EIF3M: variants seen among roughly 807,000 people sequenced by gnomAD.
The protein encoded by EIF3M is B5 receptor.
EIF3M carries 25 observed loss-of-function variants against 49.7 expected under a neutral mutation model. That is an observed-to-expected ratio of 0.50 (90% CI 0.37 to 0.70). The LOEUF (loss-of-function observed/expected upper bound fraction) is 0.70. EIF3M is among the 30% of genes least tolerant of loss of function. The probability of loss-of-function intolerance (pLI) is 0.00; values close to 1 mark genes in which losing one functional copy is unlikely to be tolerated. For synonymous variants in EIF3M, 156 were observed against 149.8 expected, an observed-to-expected ratio of 1.04 and a Z score of -0.30; for missense variants, 350 against 440.0, an observed-to-expected ratio of 0.80 and a Z score of 1.83.
intron 1 of EIF3M, 179 bp from the exon 2 acceptor site, chr11:32,586,833 G>GAA: frequency 1.4e-6 from 1 of 725,348 alleles, no homozygotes; most frequent in Non-Finnish European, 2.1e-6. Flanking sequence ...CCTCATGGAG[G>GAA]AAAACCTGTG....
rs188596977 is a variant in EIF3M, at chr11:32,589,262, C to T, written c.438+127C>T. 468 of 1,394,444 alleles carry T rather than the reference C, an allele frequency of 3.4e-4. 2 individuals are homozygous for T. The African/African-American group carries it at 6.0e-3, about 18-fold the overall frequency. The allele number at this position is 1,394,444 out of a possible 1,614,324, so 86.4% of individuals were successfully genotyped here. ...CGCAATCTCAGCTCACCGCAACCTC[C>T]GCCTCCAGGGTTCAAGCAGTTCTCC... On this transcript the variant is annotated intron_variant, in intron 4 of 10. Transcript: ENST00000531120.
intron 1 of EIF3M, among the ~76,000 whole-genome samples, chr11:32,586,386 T>A (rs1854997993): frequency 6.6e-6 from 1 of 152,172 alleles, no homozygotes; most frequent in African/African-American, 2.4e-5. Flanking sequence ...TTTTTATAGG[T>A]CCGAAGATGC....
At chr11:32,601,653 A>G in intron 9 of EIF3M, 109 bp from the exon 10 acceptor site, 1 of 999,276 alleles carries the variant, frequency 1.0e-6, no homozygotes, top group Non-Finnish European at 1.5e-6. Flanking sequence ...ATAATGTTGG[A>G]AAACAGTATA....
chr11:32,590,911 C>T (rs1470784077), intron 5 of EIF3M, among the ~76,000 whole-genome samples: 1 of 151,490 alleles, frequency 6.6e-6, no homozygotes, highest in African/African-American at 2.4e-5. Flanking sequence ...AGTGCAGTGG[C>T]GCAATCTCAG....
intron 1 of EIF3M, among the ~76,000 whole-genome samples, chr11:32,584,451 C>CA (rs1198842043): frequency 1.3e-5 from 2 of 151,708 alleles, no homozygotes; most frequent in Non-Finnish European, 2.9e-5. Flanking sequence ...ATTAAAAATA[C>CA]AAAAAAATTA....
chr11:32,592,300 A>G (rs1186567460), intron 5 of EIF3M: 3 of 520,904 alleles, frequency 5.8e-6, no homozygotes, highest in East Asian at 4.7e-5. Context: ...CTGAACCACA[A>G]TTTTATCATG....
chr11:32,596,111 A>G, intron 8 of EIF3M, 64 bp downstream of exon 8: 2 of 1,258,478 alleles, frequency 1.6e-6, no homozygotes, highest in Non-Finnish European at 2.2e-6. Flanking sequence ...ACAGTTATGT[A>G]CTATGTGTTC....
chr11:32,600,609 C>T, intron 8 of EIF3M, 80 bp from the exon 9 acceptor site: 1 of 1,360,134 alleles, frequency 7.4e-7, no homozygotes, highest in East Asian at 2.6e-5. Flanking sequence ...AAATAATTTC[C>T]ACAGCTTAAC....
In EIF3M at chr11:32,593,880, A is replaced by C. The variant is rs765904349; in HGVS notation, c.548A>C (p.Lys183Thr). 1.1e-5 allele frequency: 18 copies of C among 1,572,170 alleles called. No homozygotes were observed. Among genetic ancestry groups the C allele is most frequent in the Non-Finnish European group, 1.5e-5 (18 of 1,162,346 alleles). ...VDCKKSDAAS[K>T]VMVELLGSYT... ...TTTCTTTTTAGTGATGCTGCTTCAA[A>C]AGTCATGGTGGAATTGCTCGGAAGT... The change falls in exon 6 of 11, where the codon AAA becomes ACA. Residue 183 changes from lysine to threonine, a missense_variant. By Grantham distance (78) the Lys-to-Thr change is moderately conservative (BLOSUM62 -1). Coordinates refer to ENST00000531120, the MANE Select transcript of EIF3M (RefSeq NM_006360.6).
rs1221761026 is a variant in EIF3M, at chr11:32,603,215, TAATA to T, written c.*817_*820del. The T allele has an allele frequency of 2.0e-6, 1 of 496,382 alleles. No individual in the cohort carries two copies. The allele number at this position is 496,382 out of a possible 1,614,324, so 30.7% of individuals were successfully genotyped here. Reference sequence around the variant, plus strand: ...TTATGTAGTAGATCTTCAAAATCTCTAATATATAACTGAAGTAAAGTGTACAAAA... The same window carrying T: ...TTATGTAGTAGATCTTCAAAATCTCTTATAACTGAAGTAAAGTGTACAAAA... On this transcript the variant is annotated 3_prime_UTR_variant, in exon 11 of 11. Coordinates refer to ENST00000531120, the MANE Select transcript of EIF3M (RefSeq NM_006360.6).
intron 5 of EIF3M, 55 bp from the exon 6 acceptor site, chr11:32,593,792 TGCCTCTTAAAAATATTTTA>T (rs935119611): frequency 9.6e-7 from 1 of 1,041,306 alleles, no homozygotes; most frequent in African/African-American, 2.6e-5. Context: ...GCACAGTACC[TGCCTCTTAAAAATATTTTA>T]AATGAATGAA....
At chr11:32,596,313 C>A (rs918853982) in intron 8 of EIF3M, among the ~76,000 whole-genome samples, 2 of 152,122 alleles carry the variant, frequency 1.3e-5, no homozygotes, top group African/African-American at 4.8e-5. Context: ...CAACTCGGGG[C>A]CCAGCGCGGT....
At chr11:32,602,070 T>A in intron 10 of EIF3M, 1 of 923,438 alleles carries the variant, frequency 1.1e-6, no homozygotes, top group Non-Finnish European at 1.7e-6. Context: ...TTATGTCTGC[T>A]TTATATAGTT....
intron 5 of EIF3M, chr11:32,592,359 G>T (rs1248169173): frequency 3.6e-6 from 2 of 553,278 alleles, no homozygotes; most frequent in African/African-American, 1.9e-5. Context: ...CACTCTGCCA[G>T]TCCTCCTGTA....
intron 1 of EIF3M, among the ~76,000 whole-genome samples, chr11:32,585,199 C>A (rs1222079160): frequency 6.6e-6 from 1 of 151,656 alleles, no homozygotes; most frequent in African/African-American, 2.4e-5. Context: ...AGGTTAAGCA[C>A]AGATAGGAAG....
At chr11:32,585,968 G>C (rs749333405) in intron 1 of EIF3M, among the ~76,000 whole-genome samples, 2 of 152,088 alleles carry the variant, frequency 1.3e-5, no homozygotes, top group Non-Finnish European at 2.9e-5. Context: ...GGTGGCTCAC[G>C]CCTATAATCT....
At chr11:32,592,560 A>C in intron 5 of EIF3M, 1 of 543,670 alleles carries the variant, frequency 1.8e-6, no homozygotes, top group Non-Finnish European at 3.6e-6. Context: ...TTGAGCACAC[A>C]TTGCTGCATC....
intron 10 of EIF3M, 34 bp from the exon 11 acceptor site, chr11:32,602,245 T>C (rs1855280953): frequency 1.3e-6 from 2 of 1,595,476 alleles, no homozygotes; most frequent in Non-Finnish European, 1.7e-6. Flanking sequence ...GCTAAAAGGT[T>C]GACTAACACT....
chr11:32,584,607 CAAAAAAA>C (rs796738414), intron 1 of EIF3M, among the ~76,000 whole-genome samples: 3 of 62,292 alleles, frequency 4.8e-5, no homozygotes, highest in African/African-American at 6.0e-5. Context: ...GAGTCCCTCT[CAAAAAAA>C]AAAAAAAAAA....
Sources: gnomAD v4.1 joint callset for allele counts (sites outside exome capture counted in the v4.1 genomes callset) on GRCh38, gnomAD v4.1.1 for gene constraint, MANE v1.5 for transcripts, NCBI Gene and HGNC (gene_info 2026-07-23, HGNC 2026-07-21) for gene names.